Variants in GRM7 observed in about 807,000 individuals in gnomAD.
GRM7 encodes metabotropic glutamate receptor 7.
A neutral mutation model predicts 84.5 loss-of-function variants in GRM7; 35 were observed. The observed-to-expected ratio is 0.41, with a 90% confidence interval of 0.32 to 0.55. The LOEUF is 0.55. GRM7 is among the 20% of genes least tolerant of loss of function. The probability of loss-of-function intolerance (pLI) is 0.19; values close to 1 mark genes in which losing one functional copy is unlikely to be tolerated. For synonymous variants in GRM7, 487 were observed against 455.1 expected, an observed-to-expected ratio of 1.07 and a Z score of -0.89; for missense variants, 1,003 against 1,194.6, an observed-to-expected ratio of 0.84 and a Z score of 2.36.
chr3:7,677,849 C>A (rs1700196761), intron 8 of GRM7, among the ~76,000 whole-genome samples: 1 of 152,208 alleles, frequency 6.6e-6, no homozygotes, highest in African/African-American at 2.4e-5. Flanking sequence ...GACATGGAAT[C>A]AACCTAGGTG....
Position 7,284,547 on chromosome 3 carries a change from C to A in GRM7, c.737-14137C>A, listed in dbSNP as rs184505765. The stretch of plus-strand genomic sequence containing the variant: ...TAGATTTAATCAACATTCAGTAGAG[C>A]ACTGGGTAAGAAACCTAAGGCTAAA... On this transcript the variant is annotated intron_variant, in intron 2 of 9. Transcript: ENST00000357716. 3.3e-5 allele frequency among the ~76,000 whole-genome samples: 5 copies of A among 152,180 alleles called. No individual in the cohort carries two copies. The East Asian group carries it at 9.6e-4, about 29-fold the overall frequency.
Position 7,188,626 on chromosome 3 carries a change from T to C in GRM7, c.736+41958T>C, listed in dbSNP as rs1695598794. Reference sequence around the variant, plus strand: ...TATTGGAATAAAGGATCTACTTGAGTGTATAAGGGTTGGGGAGACAGTGGT... The same window carrying C: ...TATTGGAATAAAGGATCTACTTGAGCGTATAAGGGTTGGGGAGACAGTGGT... On this transcript the variant is annotated intron_variant, in intron 2 of 9. Coordinates refer to ENST00000357716, the MANE Select transcript of GRM7 (RefSeq NM_000844.4). The surrounding 1 kb of genome is among the most constrained non-coding windows in gnomAD (Gnocchi z 4.2). Among the ~76,000 whole-genome samples, 1 of 151,898 alleles carries C rather than the reference T, an allele frequency of 6.6e-6. No homozygotes were observed. Among genetic ancestry groups the C allele is most frequent in the Non-Finnish European group, 1.5e-5 (1 of 67,948 alleles).
intron 9 of GRM7, among the ~76,000 whole-genome samples, chr3:7,715,008 T>C (rs1701722340): frequency 6.6e-6 from 1 of 152,186 alleles, no homozygotes; most frequent in African/African-American, 2.4e-5. Context: ...AATCATGGCA[T>C]TCAAGGCTCT....
chr3:6,911,713 C>T (rs1402681217), intron 1 of GRM7, among the ~76,000 whole-genome samples: 2 of 151,978 alleles, frequency 1.3e-5, no homozygotes, highest in Non-Finnish European at 1.5e-5. Flanking sequence ...TTAGCTCTTG[C>T]TTATTTCCAT....
At chr3:7,244,501 A>AT (rs780508689) in intron 2 of GRM7, among the ~76,000 whole-genome samples, 11 of 152,006 alleles carry the variant, frequency 7.2e-5, no homozygotes, top group South Asian at 2.1e-4. Context: ...GCAACTGTCC[A>AT]TTTTTTTTGA....
At chr3:7,357,001 TATATC>T (rs2125098986) in intron 4 of GRM7, among the ~76,000 whole-genome samples, 2 of 149,870 alleles carry the variant, frequency 1.3e-5, no homozygotes, top group East Asian at 2.0e-4. Flanking sequence ...ACATATTTTA[TATATC>T]ATATAATATA....
At chr3:7,691,917 C>T (rs1391904647) in intron 9 of GRM7, among the ~76,000 whole-genome samples, 1 of 152,128 alleles carries the variant, frequency 6.6e-6, no homozygotes, top group Non-Finnish European at 1.5e-5. Context: ...CCTCAGCCTC[C>T]CAAAGTGCTG....
At chr3:7,453,715 C>G (rs1697876922) in intron 6 of GRM7, among the ~76,000 whole-genome samples, 1 of 151,926 alleles carries the variant, frequency 6.6e-6, no homozygotes, top group African/African-American at 2.4e-5. Context: ...TCCTCTTGGG[C>G]CTTTTATGAA....
chr3:7,601,999 A>C (rs1270549006), intron 8 of GRM7, among the ~76,000 whole-genome samples: 4 of 151,194 alleles, frequency 2.6e-5, no homozygotes, highest in Non-Finnish European at 5.9e-5. Context: ...AGGAAGGGCG[A>C]AATGTTGTGA....
chr3:7,241,809 T>C (rs1697568900), intron 2 of GRM7, among the ~76,000 whole-genome samples: 1 of 152,124 alleles, frequency 6.6e-6, no homozygotes, highest in African/African-American at 2.4e-5. Flanking sequence ...AGGTTTTTAT[T>C]TGTGCACAGA....
At chr3:6,969,628 C>A (rs1183540219) in intron 1 of GRM7, among the ~76,000 whole-genome samples, 1 of 152,168 alleles carries the variant, frequency 6.6e-6, no homozygotes, top group Non-Finnish European at 1.5e-5. Flanking sequence ...ATGAATGGGT[C>A]AGGATAAAGC....
chr3:6,920,126 G>A (rs888281432), intron 1 of GRM7, among the ~76,000 whole-genome samples: 6 of 152,004 alleles, frequency 3.9e-5, no homozygotes, highest in Non-Finnish European at 8.8e-5. Context: ...TTAAATGTAA[G>A]GCATAATTTT....
At chr3:6,908,539 A>C (rs925760330) in intron 1 of GRM7, among the ~76,000 whole-genome samples, 3 of 152,136 alleles carry the variant, frequency 2.0e-5, no homozygotes, top group African/African-American at 7.2e-5. Context: ...GGTGATGCCA[A>C]CACCAGAAAT....
chr3:6,870,927 G>C (rs189663189), intron 1 of GRM7, among the ~76,000 whole-genome samples: 1 of 152,112 alleles, frequency 6.6e-6, no homozygotes, highest in Non-Finnish European at 1.5e-5. Context: ...CTGTAGGTCC[G>C]AAGAAAGATC....
intron 4 of GRM7, among the ~76,000 whole-genome samples, chr3:7,369,733 A>G (rs1458240380): frequency 1.3e-5 from 2 of 152,154 alleles, no homozygotes; most frequent in Non-Finnish European, 2.9e-5. Flanking sequence ...AATATGTTTC[A>G]TTCATCATTC....
At chr3:7,007,693 T>G (rs1695228695) in intron 1 of GRM7, among the ~76,000 whole-genome samples, 2 of 152,182 alleles carry the variant, frequency 1.3e-5, no homozygotes, top group Non-Finnish European at 2.9e-5. Context: ...TTTCATTTAT[T>G]TATGAAAGAG....
chr3:7,617,398 A>ATACT (rs1379908025), intron 8 of GRM7, among the ~76,000 whole-genome samples: 1 of 152,274 alleles, frequency 6.6e-6, no homozygotes, highest in East Asian at 1.9e-4. Flanking sequence ...ATTTCAACCC[A>ATACT]TACTTCATGT....
chr3:7,062,585 T>G (rs4686114), intron 1 of GRM7, among the ~76,000 whole-genome samples: 1 of 151,614 alleles, frequency 6.6e-6, no homozygotes, highest in South Asian at 2.1e-4. Flanking sequence ...TGAAAAACTG[T>G]GACTCACAAA....
In GRM7 at chr3:7,694,095, C is replaced by T. The variant is rs145463195; in HGVS notation, c.2698+13800C>T. Among the ~76,000 whole-genome samples the T allele has an allele frequency of 9.4e-4, 143 of 152,150 alleles. 1 individual carries two copies. The highest frequency in any genetic ancestry group is 3.0e-3 in the African/African-American group (123 of 41,530). Reference sequence around the variant, plus strand: ...GGGGGTTCTGACCCATTCCCATTTACAGGAAAAGAAAATCAAATAAGGGAT... The same window carrying T: ...GGGGGTTCTGACCCATTCCCATTTATAGGAAAAGAAAATCAAATAAGGGAT... On this transcript the variant is annotated intron_variant, in intron 9 of 9. Coordinates refer to ENST00000357716, the MANE Select transcript of GRM7 (RefSeq NM_000844.4).
Sources: allele counts gnomAD v4.1 joint callset (sites outside exome capture counted in the v4.1 genomes callset), GRCh38; gene constraint gnomAD v4.1.1; non-coding constraint Gnocchi (gnomAD v3.1); transcripts MANE v1.5; gene names NCBI Gene and HGNC (gene_info 2026-07-23, HGNC 2026-07-21).